The following IL18RAP variants were observed in gnomAD, a reference collection of about 807,000 sequenced individuals.
IL18RAP encodes the protein interleukin-18 receptor accessory protein.
IL18RAP carries 37 observed loss-of-function variants against 58.1 expected under a neutral mutation model. The observed-to-expected ratio is 0.64, with a 90% CI of 0.49 to 0.84. The LOEUF is 0.84. IL18RAP is among the 40% of genes least tolerant of loss of function. The pLI is 0.00. For missense variants in IL18RAP, 667 were observed against 704.8 expected, an observed-to-expected ratio of 0.95 and a Z score of 0.61; for synonymous variants, 268 against 257.5, an observed-to-expected ratio of 1.04 and a Z score of -0.39.
intron 3 of IL18RAP, among the ~76,000 whole-genome samples, chr2:102,436,180 T>C (rs1480421527): frequency 2.0e-5 from 3 of 152,166 alleles, no homozygotes; most frequent in Non-Finnish European, 4.4e-5. Context: ...AAAGATACAT[T>C]ATTCCCCATC....
chr2:102,441,297 G>A lies in IL18RAP; in HGVS notation c.731-15G>A. 1.2e-6 allele frequency: 2 copies of A among 1,608,752 alleles called. No homozygotes were observed. Among genetic ancestry groups the A allele is most frequent in the Admixed American group, 1.7e-5 (1 of 59,934 alleles). ...CTTTCCAATGCAAATAGTAATCTTTGTTTTCATCTTTCAGTGGGAGACACT... is the reference window on the plus strand; with the variant it reads ...CTTTCCAATGCAAATAGTAATCTTTATTTTCATCTTTCAGTGGGAGACACT... On this transcript the variant is annotated splice_polypyrimidine_tract_variant and intron_variant, in intron 4 of 9. Transcript: ENST00000687160.
At chr2:102,443,594 T>C (rs1683236899) in intron 6 of IL18RAP, among the ~76,000 whole-genome samples, 1 of 152,108 alleles carries the variant, frequency 6.6e-6, no homozygotes, top group Non-Finnish European at 1.5e-5. Context: ...TGGAGATAAG[T>C]AATATGTCCA....
chr2:102,452,378 G>A lies in IL18RAP; in HGVS notation c.*197G>A, dbSNP rs1005166124. On this transcript the variant is annotated 3_prime_UTR_variant, in exon 10 of 10. Transcript: ENST00000687160. ...CTTTGATTTCCTGGACTGGACTGAC[G>A]GCGAGTGAATTCTCTAGACCTTGGG... The A allele has an allele frequency of 1.5e-5, 8 of 529,032 alleles. No homozygotes were observed. Among genetic ancestry groups the A allele is most frequent in the Admixed American group, 7.1e-5 (2 of 27,980 alleles). 32.8% of individuals were successfully genotyped at this position (529,032 alleles called of 1,614,324 possible).
At chr2:102,419,056 A>T (rs2104271421), upstream of IL18RAP, 1 of 152,442 alleles carries the variant, frequency 6.6e-6, no homozygotes, top group East Asian at 1.9e-4. Flanking sequence ...TTTTCAAGAA[A>T]TATTTTAGAA....
intron 3 of IL18RAP, among the ~76,000 whole-genome samples, chr2:102,426,263 G>A (rs1447496256): frequency 1.3e-5 from 2 of 152,138 alleles, no homozygotes; most frequent in Non-Finnish European, 2.9e-5. Flanking sequence ...CACTGGCTGA[G>A]AGAATGAAAA....
intron 4 of IL18RAP, 53 bp from the exon 5 acceptor site, chr2:102,441,259 G>A (rs1683084861): frequency 1.4e-6 from 2 of 1,382,416 alleles, no homozygotes; most frequent in Non-Finnish European, 2.1e-6. Flanking sequence ...TCTTCATCAA[G>A]CAGGCCTTCA....
Position 102,437,397 on chromosome 2 carries a change from G to T in IL18RAP, c.730+35G>T, listed in dbSNP as rs200207908. ...ATTTTTATCTCAAGATTTGAGATCT[G>T]AGCAGCAAATTAAAATTATCTTCTT... is the stretch of plus-strand genomic sequence containing the variant. On this transcript the variant is annotated intron_variant, in intron 4 of 9. Transcript: ENST00000687160. The T allele has an allele frequency of 3.6e-5, 57 of 1,586,276 alleles. No homozygotes were observed. In the East Asian group the frequency reaches 1.2e-3, roughly 35 times the overall value.
At chr2:102,451,049 C>T in intron 9 of IL18RAP, 28 bp downstream of exon 9, 1 of 1,554,852 alleles carries the variant, frequency 6.4e-7, no homozygotes, top group Non-Finnish European at 8.7e-7. Flanking sequence ...AGAAAAACTG[C>T]AGTGCAAAAA....
chr2:102,423,926 C>G lies in IL18RAP; in HGVS notation c.186C>G (p.Leu62=). The stretch of plus-strand genomic sequence containing the variant: ...CACATTTCTGCCACAGAAATCGACT[C>G]TCACCAAAACAAGTCCCTGAGCACC... ...QKSHFCHRNR[L]SPKQVPEHLP... The change falls in exon 2 of 10, where the codon CTC becomes CTG. Residue 62 remains leucine (L), a synonymous_variant. Coordinates refer to ENST00000687160, the MANE Select transcript of IL18RAP (RefSeq NM_001393487.1). The G allele has an allele frequency of 3.1e-6, 5 of 1,614,004 alleles. No homozygotes were observed. The highest frequency in any genetic ancestry group is 4.2e-6 in the Non-Finnish European group (5 of 1,179,966).
chr2:102,436,534 C>G (rs1418495310), intron 3 of IL18RAP, among the ~76,000 whole-genome samples: 1 of 152,072 alleles, frequency 6.6e-6, no homozygotes, highest in Non-Finnish European at 1.5e-5. Flanking sequence ...AGGAAACACA[C>G]GAGGGATGTG....
intron 9 of IL18RAP, among the ~76,000 whole-genome samples, 162 bp downstream of exon 9, chr2:102,451,183 T>C (rs1350838702): frequency 6.6e-6 from 1 of 152,224 alleles, no homozygotes; most frequent in Admixed American, 6.5e-5. Context: ...TCCAGAGATG[T>C]GTTCCATTAT....
chr2:102,434,357 T>C (rs1682592456), intron 3 of IL18RAP: 1 of 152,192 alleles, frequency 6.6e-6, no homozygotes, highest in South Asian at 2.1e-4. Flanking sequence ...GTTTGTAGAG[T>C]AGAATTTGTA....
At position 102,424,037 on chromosome 2, in the gene IL18RAP, A is replaced by G. The variant is rs62154968; in HGVS notation, c.297A>G (p.Lys99=). ...SNGDPLEDIR[K]SYPHIIQDKC... ...GAGATCCATTAGAGGACATTAGGAA[A>G]AGCTATCCTCACATCATTCAGGACA... The change falls in exon 2 of 10, where the codon AAA becomes AAG. Residue 99 remains lysine (K), a synonymous_variant. Coordinates refer to ENST00000687160, the MANE Select transcript of IL18RAP (RefSeq NM_001393487.1). 3.2e-3 allele frequency: 5,166 copies of G among 1,614,098 alleles called. 19 individuals carry two copies. The highest frequency in any genetic ancestry group is 5.4e-3 in the South Asian group (496 of 91,082).
At chr2:102,423,007 G>C, upstream of IL18RAP, 1 of 495,188 alleles carries the variant, frequency 2.0e-6, no homozygotes, top group South Asian at 3.0e-5. Context: ...GAGATGATTT[G>C]TAAGAAATGA....
chr2:102,421,643 C>A (rs1482431226), upstream of IL18RAP, among the ~76,000 whole-genome samples: 1 of 151,996 alleles, frequency 6.6e-6, no homozygotes, highest in Non-Finnish European at 1.5e-5. Context: ...ATGCAGTGAC[C>A]TTAACACCTA....
At chr2:102,437,128 A>C in intron 3 of IL18RAP, 84 bp from the exon 4 acceptor site, 1 of 1,335,128 alleles carries the variant, frequency 7.5e-7, no homozygotes, top group Non-Finnish European at 1.0e-6. Context: ...TCCCTGTTCA[A>C]ATTTGTAAGA....
rs182989781 is a variant in IL18RAP, at chr2:102,424,723, C to T, written c.579+309C>T. ...CTGCTAATGTAGGAAGATAGGTTCACTCATTTTCACTGTCTTAGGAAAGCA... is the reference window on the plus strand; with the variant it reads ...CTGCTAATGTAGGAAGATAGGTTCATTCATTTTCACTGTCTTAGGAAAGCA... On this transcript the variant is annotated intron_variant, in intron 3 of 9. Coordinates refer to ENST00000687160, the MANE Select transcript of IL18RAP (RefSeq NM_001393487.1). 1.2e-4 allele frequency among the ~76,000 whole-genome samples: 18 copies of T among 152,294 alleles called. 1 individual carries two copies. The highest frequency in any genetic ancestry group is 1.0e-3 in the Admixed American group (16 of 15,288).
chr2:102,436,450 C>G (rs897385531), intron 3 of IL18RAP, among the ~76,000 whole-genome samples: 1 of 152,186 alleles, frequency 6.6e-6, no homozygotes, highest in Non-Finnish European at 1.5e-5. Context: ...CTGCCCACAG[C>G]TGCACTTCTC....
intron 3 of IL18RAP, among the ~76,000 whole-genome samples, chr2:102,431,943 A>G (rs1682391371): frequency 6.6e-6 from 1 of 152,102 alleles, no homozygotes; most frequent in Non-Finnish European, 1.5e-5. Context: ...TTCCTATTTC[A>G]TTATGATAGC....
Sources: allele counts gnomAD v4.1 joint callset (sites outside exome capture counted in the v4.1 genomes callset), GRCh38; gene constraint gnomAD v4.1.1; transcripts MANE v1.5; gene names NCBI Gene and HGNC (gene_info 2026-07-23, HGNC 2026-07-21).